CTIF: variants seen among roughly 807,000 people sequenced by gnomAD.
The protein encoded by CTIF is cap binding complex dependent translation initiation factor.
In CTIF, 21 loss-of-function variants were observed where a neutral mutation model predicts 66.0. The ratio of observed to expected loss-of-function variants is 0.32; its 90% confidence interval spans 0.23 to 0.46. The LOEUF (loss-of-function observed/expected upper bound fraction) is 0.46. Among genes scored for constraint, CTIF ranks in the 20% least tolerant of loss-of-function variants. CTIF has a pLI of 1.00. For missense variants in CTIF, 739 were observed against 812.7 expected (o/e 0.91, Z 1.10); for synonymous variants, 345 against 326.4 (o/e 1.06, Z -0.62).
chr18:48,831,871 A>G (rs1482049258), intron 10 of CTIF, among the ~76,000 whole-genome samples: 1 of 152,222 alleles, frequency 6.6e-6, no homozygotes, highest in Non-Finnish European at 1.5e-5. Context: ...GTTTACACTG[A>G]AAGCAGCTCT....
intron 9 of CTIF, among the ~76,000 whole-genome samples, chr18:48,765,249 C>T (rs1555688503): frequency 6.6e-6 from 1 of 152,196 alleles, no homozygotes; most frequent in Non-Finnish European, 1.5e-5. Flanking sequence ...CACAGCCCTG[C>T]CCCCTGCTTC....
intron 7 of CTIF, among the ~76,000 whole-genome samples, chr18:48,737,155 G>A (rs1472700177): frequency 1.3e-5 from 2 of 152,082 alleles, no homozygotes; most frequent in African/African-American, 4.8e-5. Flanking sequence ...CTAGTTCTGT[G>A]GCTTGGCCGG....
At chr18:48,610,175 T>TA (rs532853290) in intron 1 of CTIF, among the ~76,000 whole-genome samples, 162 of 152,004 alleles carry the variant, frequency 1.1e-3, no homozygotes, top group Admixed American at 1.6e-3. Flanking sequence ...CAAAAACCTA[T>TA]AAAAAAAATT....
At chr18:48,784,754 GAC>G (rs1179463737) in intron 9 of CTIF, among the ~76,000 whole-genome samples, 1 of 152,148 alleles carries the variant, frequency 6.6e-6, no homozygotes, top group Non-Finnish European at 1.5e-5. Flanking sequence ...AAAAGAGAGA[GAC>G]AGAGAGAGAG....
intron 3 of CTIF, among the ~76,000 whole-genome samples, chr18:48,655,434 C>G (rs2091231717): frequency 6.6e-6 from 1 of 152,156 alleles, no homozygotes; most frequent in African/African-American, 2.4e-5. Flanking sequence ...CCCTGTCCCA[C>G]AGCTAGCTCC....
intron 5 of CTIF, among the ~76,000 whole-genome samples, chr18:48,666,928 G>T (rs2091446405): frequency 2.0e-5 from 3 of 152,206 alleles, no homozygotes; most frequent in African/African-American, 4.8e-5. Flanking sequence ...TGTGAGCAAA[G>T]GTGATGCTTG....
At chr18:48,624,187 C>G (rs1168549426) in intron 2 of CTIF, among the ~76,000 whole-genome samples, 1 of 151,312 alleles carries the variant, frequency 6.6e-6, no homozygotes, top group African/African-American at 2.4e-5. Context: ...TACATCGTAC[C>G]CCTCCCCCAT....
At chr18:48,715,917 A>G (rs186143060) in intron 7 of CTIF, among the ~76,000 whole-genome samples, 112 of 152,298 alleles carry the variant, frequency 7.4e-4, no homozygotes, top group African/African-American at 2.1e-3. Context: ...CTGTCCCAAG[A>G]TGGGGTAAAG....
chr18:48,780,837 G>C (rs1214465283), intron 9 of CTIF, among the ~76,000 whole-genome samples: 1 of 152,218 alleles, frequency 6.6e-6, no homozygotes, highest in East Asian at 1.9e-4. Flanking sequence ...TACCTAGCAG[G>C]GCAGAGTGCA....
At chr18:48,854,117 A>G (rs922376182) in intron 10 of CTIF, among the ~76,000 whole-genome samples, 1 of 152,224 alleles carries the variant, frequency 6.6e-6, no homozygotes, top group Non-Finnish European at 1.5e-5. Context: ...GTTAAAGGGC[A>G]GCAGAGATGA....
At chr18:48,779,599 T>C (rs932079734) in intron 9 of CTIF, among the ~76,000 whole-genome samples, 1 of 152,208 alleles carries the variant, frequency 6.6e-6, no homozygotes, top group Admixed American at 6.5e-5. Context: ...CCTTGGGCTC[T>C]CCCCACTGCC....
intron 5 of CTIF, among the ~76,000 whole-genome samples, chr18:48,666,558 C>G (rs928690222): frequency 5.9e-5 from 9 of 152,236 alleles, no homozygotes; most frequent in Non-Finnish European, 1.2e-4. Context: ...GTGTGTGTTG[C>G]TGGGGAGAGG....
chr18:48,626,511 C>T (rs1019061685), intron 2 of CTIF, among the ~76,000 whole-genome samples: 3 of 151,734 alleles, frequency 2.0e-5, no homozygotes, highest in South Asian at 2.1e-4. Flanking sequence ...CCACGCCTGG[C>T]TAATTTTTTG....
rs144131263 is a variant in CTIF at position 48,822,184 on chromosome 18, G to A, written c.1527+4808G>A. 2.1e-3 allele frequency among the ~76,000 whole-genome samples: 317 copies of A among 152,042 alleles called. 2 individuals carry two copies. Among genetic ancestry groups the A allele is most frequent in the Non-Finnish European group, 3.8e-3 (256 of 67,980 alleles). On this transcript the variant is annotated intron_variant, in intron 10 of 11. Coordinates refer to ENST00000256413, the MANE Select transcript of CTIF (RefSeq NM_014772.3). ...TGTAAAGGCTGAATAGTATTCCATC[G>A]TATGTATATACCACTTTAAAATTTT... is the stretch of plus-strand genomic sequence containing the variant.
intron 3 of CTIF, among the ~76,000 whole-genome samples, chr18:48,646,896 A>T (rs918638431): frequency 4.9e-4 from 48 of 98,664 alleles, no homozygotes; most frequent in Admixed American, 1.4e-3. Flanking sequence ...ACAGTTTGGC[A>T]GTTTCAAAAA....
chr18:48,641,363 G>A lies in CTIF; in HGVS notation c.252+4678G>A, dbSNP rs995457928. ...AGACTTGGGAAGGACTTCCCTTGAC[G>A]GAAGGACTTGTTGGCCCACCGTGTT... is the stretch of plus-strand genomic sequence containing the variant. On this transcript the variant is annotated intron_variant, in intron 3 of 11. Coordinates refer to ENST00000256413, the MANE Select transcript of CTIF (RefSeq NM_014772.3). Among the ~76,000 whole-genome samples the A allele has an allele frequency of 4.6e-5, 7 of 152,188 alleles. No individual in the cohort carries two copies. The East Asian group carries it at 9.6e-4, about 21-fold the overall frequency.
chr18:48,592,663 G>C (rs1294809810), intron 1 of CTIF, among the ~76,000 whole-genome samples: 1 of 152,214 alleles, frequency 6.6e-6, no homozygotes, highest in African/African-American at 2.4e-5. Flanking sequence ...GCCTGCCTCG[G>C]CCACTGTCAT....
intron 6 of CTIF, among the ~76,000 whole-genome samples, chr18:48,685,871 T>A (rs1395113928): frequency 6.6e-6 from 1 of 152,036 alleles, no homozygotes; most frequent in Non-Finnish European, 1.5e-5. Context: ...GAGATGGGGT[T>A]TCACTGTGTT....
At chr18:48,615,613 G>A (rs2090384867) in intron 1 of CTIF, among the ~76,000 whole-genome samples, 1 of 152,216 alleles carries the variant, frequency 6.6e-6, no homozygotes, top group Admixed American at 6.5e-5. Context: ...GGGACCACGT[G>A]GAGCATGCCT....
Sources: gnomAD v4.1 joint callset for allele counts (sites outside exome capture counted in the v4.1 genomes callset) on GRCh38, gnomAD v4.1.1 for gene constraint, MANE v1.5 for transcripts, NCBI Gene and HGNC (gene_info 2026-07-23, HGNC 2026-07-21) for gene names.